Variants in SP4 observed in about 807,000 individuals in gnomAD.
The protein encoded by SP4 is transcription factor Sp4.
Under a neutral mutation model 72.8 loss-of-function variants are expected in SP4, and 19 were observed. The observed-to-expected ratio is 0.26, with a 90% CI of 0.18 to 0.38. The LOEUF (loss-of-function observed/expected upper bound fraction) is 0.38, where lower values mean the gene tolerates loss of function less well. Among genes scored for constraint, SP4 ranks in the 10% least tolerant of loss-of-function variants. The probability of loss-of-function intolerance (pLI) is 1.00; values close to 1 mark genes in which losing one functional copy is unlikely to be tolerated. For synonymous variants in SP4, 395 were observed against 333.1 expected (o/e 1.19, Z -2.02); for missense variants, 1,008 against 926.3 (o/e 1.09, Z -1.14).
At chr7:21,482,825 T>C (rs1784721932) in intron 5 of SP4, 15 of 863,922 alleles carry the variant, frequency 1.7e-5, no homozygotes, top group Non-Finnish European at 1.9e-5. Context: ...TTTGTACATA[T>C]ATGTATATTT....
rs114618482 is a variant in SP4 at position 21,514,231 on chromosome 7, A to G, written c.*2962A>G. On this transcript the variant is annotated 3_prime_UTR_variant, in exon 6 of 6. Transcript: ENST00000222584. ...ATGAGAGCAGTAATAAAAGTGTGTA[A>G]TCTAGGAGAAAAAGTTAATTTGTCA... 9 of 152,728 alleles carry G rather than the reference A, an allele frequency of 5.9e-5. No individual in the cohort carries two copies. Among genetic ancestry groups the G allele is most frequent in the African/African-American group, 1.7e-4 (7 of 41,574 alleles). 9.5% of individuals were successfully genotyped at this position (152,728 alleles called of 1,614,324 possible). A position where few individuals can be genotyped will look rare whatever the true frequency, so the allele number is the denominator to read the frequency against.
intron 3 of SP4, among the ~76,000 whole-genome samples, chr7:21,465,377 A>G (rs1255806511): frequency 1.3e-5 from 2 of 152,214 alleles, no homozygotes; most frequent in Non-Finnish European, 2.9e-5. Flanking sequence ...AGCCAACCAG[A>G]AAAGAGTGTA....
At chr7:21,474,253 C>T (rs572269748) in intron 3 of SP4, among the ~76,000 whole-genome samples, 15 of 152,070 alleles carry the variant, frequency 9.9e-5, no homozygotes, top group Admixed American at 2.0e-4. Context: ...AATATTATTG[C>T]GACCTTTAAA....
At chr7:21,504,437 G>A (rs532222703) in intron 5 of SP4, among the ~76,000 whole-genome samples, 177 of 152,258 alleles carry the variant, frequency 1.2e-3, no homozygotes, top group African/African-American at 4.2e-3. Flanking sequence ...CCAGCCATTA[G>A]GTAATCTACC....
At chr7:21,432,165 T>G (rs1234332564) in intron 3 of SP4, among the ~76,000 whole-genome samples, 4 of 152,252 alleles carry the variant, frequency 2.6e-5, no homozygotes, top group Non-Finnish European at 4.4e-5. Context: ...TTAATTTTAA[T>G]TTAAGTAGCC....
chr7:21,478,261 T>C (rs7792713), intron 4 of SP4, among the ~76,000 whole-genome samples: 5,363 of 152,322 alleles, frequency 0.035, 340 homozygotes, highest in East Asian at 0.26. Context: ...GTTTATCCTG[T>C]CAATTGAAGG....
intron 3 of SP4, among the ~76,000 whole-genome samples, chr7:21,470,732 C>T (rs1204177417): frequency 6.8e-6 from 1 of 147,748 alleles, no homozygotes; most frequent in African/African-American, 2.5e-5. Context: ...ATTACCTTGG[C>T]CCAGTTTCTA....
intron 4 of SP4, among the ~76,000 whole-genome samples, chr7:21,478,230 CTA>C (rs1784572524): frequency 6.6e-6 from 1 of 152,200 alleles, no homozygotes; most frequent in Admixed American, 6.5e-5. Context: ...ATATTCCACT[CTA>C]TGGATATACA....
At chr7:21,491,320 G>T (rs1441399991) in intron 5 of SP4, among the ~76,000 whole-genome samples, 1 of 152,186 alleles carries the variant, frequency 6.6e-6, no homozygotes, top group Non-Finnish European at 1.5e-5. Flanking sequence ...ATAGAGGAAA[G>T]AGTCAGTGAG....
At chr7:21,446,054 ATGTGTGTGTG>A (rs3060612) in intron 3 of SP4, among the ~76,000 whole-genome samples, 1 of 147,656 alleles carries the variant, frequency 6.8e-6, no homozygotes, top group South Asian at 2.2e-4. Flanking sequence ...GTAGATATAT[ATGTGTGTGTG>A]TGTGTGTGGT....
In SP4 at chr7:21,498,876, G is replaced by A. The variant is rs1316956740; in HGVS notation, c.2108-12146G>A. Among the ~76,000 whole-genome samples, 3 of 152,016 alleles carry A rather than the reference G, an allele frequency of 2.0e-5. No homozygotes were observed. In the East Asian group the frequency reaches 5.8e-4, roughly 29 times the overall value. On this transcript the variant is annotated intron_variant, in intron 5 of 5. Coordinates refer to ENST00000222584, the MANE Select transcript of SP4 (RefSeq NM_003112.5). ...CGAGGCAGGCGGATCATGAGGTCAG[G>A]AGATCGAGACCATCCTGGCTAACAC...
At chr7:21,428,544 C>G (rs924327710) in intron 1 of SP4, 133 bp from the exon 2 acceptor site, 3 of 991,670 alleles carry the variant, frequency 3.0e-6, no homozygotes, top group African/African-American at 1.6e-5. Context: ...CACCCCCTGC[C>G]GGTGTGCGTG....
intron 1 of SP4, 102 bp downstream of exon 1, chr7:21,428,360 T>G (rs1782695827): frequency 2.8e-6 from 2 of 720,304 alleles, no homozygotes; most frequent in South Asian, 3.0e-5. Context: ...GCCGCTGAGA[T>G]GCTTTAAGGG....
At chr7:21,462,914 G>C (rs556371883) in intron 3 of SP4, among the ~76,000 whole-genome samples, 2 of 152,314 alleles carry the variant, frequency 1.3e-5, no homozygotes, top group East Asian at 3.9e-4. Flanking sequence ...CCTAAGAACT[G>C]TGCTGTTCAA....
At chr7:21,474,780 A>T (rs1411610391) in intron 3 of SP4, among the ~76,000 whole-genome samples, 1 of 152,192 alleles carries the variant, frequency 6.6e-6, no homozygotes, top group East Asian at 1.9e-4. Flanking sequence ...CTTCACTTGC[A>T]TTGCTTTACT....
At chr7:21,445,563 TCTTTATTCATGGAGACTATA>T (rs2128396298) in intron 3 of SP4, among the ~76,000 whole-genome samples, 1 of 152,306 alleles carries the variant, frequency 6.6e-6, no homozygotes, top group Non-Finnish European at 1.5e-5. Flanking sequence ...ACAGACATGT[TCTTTATTCATGGAGACTATA>T]CTTTGTTCTG....
chr7:21,445,879 C>G (rs1197736685), intron 3 of SP4, among the ~76,000 whole-genome samples: 1 of 151,780 alleles, frequency 6.6e-6, no homozygotes, highest in East Asian at 1.9e-4. Flanking sequence ...TTACATTTTG[C>G]AAGAGTTTGA....
intron 5 of SP4, among the ~76,000 whole-genome samples, chr7:21,501,902 TC>T (rs920254159): frequency 3.3e-4 from 51 of 152,250 alleles, no homozygotes; most frequent in Middle Eastern, 3.4e-3. Context: ...TTTGAGGATG[TC>T]CCGAGTATAA....
At chr7:21,465,604 A>AAGGATGGGC (rs1330558167) in intron 3 of SP4, among the ~76,000 whole-genome samples, 1 of 152,184 alleles carries the variant, frequency 6.6e-6, no homozygotes, top group East Asian at 1.9e-4. Context: ...TGGGGATGGG[A>AAGGATGGGC]AGGATGGGCA....
Sources: gnomAD v4.1 joint callset for allele counts (sites outside exome capture counted in the v4.1 genomes callset) on GRCh38, gnomAD v4.1.1 for gene constraint, MANE v1.5 for transcripts, NCBI Gene and HGNC (gene_info 2026-07-23, HGNC 2026-07-21) for gene names.